The following ATP12A variants were observed in gnomAD, a reference collection of about 807,000 sequenced individuals.
ATP12A encodes ATPase H+/K+ transporting non-gastric alpha2 subunit, also known as potassium-transporting ATPase alpha chain 2.
ATP12A carries 81 observed loss-of-function variants against 111.2 expected under a neutral mutation model. The ratio of observed to expected loss-of-function variants is 0.73; its 90% CI spans 0.61 to 0.88. The LOEUF (loss-of-function observed/expected upper bound fraction) is 0.88. ATP12A is among the 40% of genes least tolerant of loss of function. The pLI is 0.00. For missense variants in ATP12A, 1,196 were observed against 1,313.1 expected (o/e 0.91, Z 1.38); for synonymous variants, 498 against 499.8 (o/e 1.00, Z 0.05).
At chr13:24,695,728 C>T (rs1362813717) in intron 11 of ATP12A, among the ~76,000 whole-genome samples, 1 of 151,412 alleles carries the variant, frequency 6.6e-6, no homozygotes, top group African/African-American at 2.4e-5. Context: ...TTGCCTCAGC[C>T]TCCTGAGTAG....
chr13:24,690,877 G>A, intron 7 of ATP12A, 105 bp from the exon 8 acceptor site: 2 of 1,507,570 alleles, frequency 1.3e-6, no homozygotes, highest in African/African-American at 1.4e-5. Context: ...CCTTGGGAAT[G>A]TGGTGTGCCT....
At chr13:24,701,247 C>T (rs1363592689) in intron 13 of ATP12A, among the ~76,000 whole-genome samples, 1 of 152,074 alleles carries the variant, frequency 6.6e-6, no homozygotes, top group African/African-American at 2.4e-5. Flanking sequence ...CCTGAAATCC[C>T]AGCACTTTGG....
At chr13:24,682,161 T>TGTGTGTGTG (rs1270758497) in intron 2 of ATP12A, among the ~76,000 whole-genome samples, 1 of 113,106 alleles carries the variant, frequency 8.8e-6, no homozygotes, top group African/African-American at 4.5e-5. Flanking sequence ...GTGTGTGTGG[T>TGTGTGTGTG]GTGTGTATGT....
intron 2 of ATP12A, among the ~76,000 whole-genome samples, chr13:24,684,366 G>A (rs886517273): frequency 4.6e-5 from 7 of 152,180 alleles, no homozygotes; most frequent in African/African-American, 1.7e-4. Flanking sequence ...CTGCAACATG[G>A]AACTATTTTT....
At chr13:24,696,743 A>AAAAAAG (rs1555254852) in intron 11 of ATP12A, among the ~76,000 whole-genome samples, 12 of 99,364 alleles carry the variant, frequency 1.2e-4, no homozygotes, top group South Asian at 4.5e-4. Flanking sequence ...AAAAAAAAAA[A>AAAAAAG]AAAGAAAGGG....
At chr13:24,695,828 C>T (rs1209957775) in intron 11 of ATP12A, among the ~76,000 whole-genome samples, 1 of 151,988 alleles carries the variant, frequency 6.6e-6, no homozygotes, top group Non-Finnish European at 1.5e-5. Flanking sequence ...GGGCTGGCCT[C>T]GAACTCCTGA....
At chr13:24,699,577 A>T (rs914981402) in intron 12 of ATP12A, among the ~76,000 whole-genome samples, 9 of 152,244 alleles carry the variant, frequency 5.9e-5, no homozygotes, top group Non-Finnish European at 8.8e-5. Context: ...AGAACCTATC[A>T]GAGAAGGATA....
At chr13:24,705,951 G>A (rs1180530397) in intron 14 of ATP12A, among the ~76,000 whole-genome samples, 1 of 152,176 alleles carries the variant, frequency 6.6e-6, no homozygotes, top group African/African-American at 2.4e-5. Flanking sequence ...GGGATTACAG[G>A]CATGAGCCAC....
At chr13:24,708,523 C>T (rs1462291219) in intron 17 of ATP12A, among the ~76,000 whole-genome samples, 1 of 152,096 alleles carries the variant, frequency 6.6e-6, no homozygotes, top group Non-Finnish European at 1.5e-5. Flanking sequence ...TTCACATTTG[C>T]CTGCTTTGCT....
In ATP12A at chr13:24,694,568, A is replaced by G. The variant is rs1186798336; in HGVS notation, c.1502A>G (p.Asn501Ser). 2.5e-6 allele frequency: 4 copies of G among 1,612,886 alleles called. No individual in the cohort carries two copies. Among genetic ancestry groups the G allele is most frequent in the Non-Finnish European group, 3.4e-6 (4 of 1,180,016 alleles). The part of the protein sequence containing the change: ...KVAEIPFNST[N>S]KFQLSIHEMD... ...GCTGAAATCCCTTTTAACTCTACTAATAAATTTCAGGTGAGTTTTTCCTCA... is the reference window on the plus strand; with the variant it reads ...GCTGAAATCCCTTTTAACTCTACTAGTAAATTTCAGGTGAGTTTTTCCTCA... Residue 501 changes from asparagine (N) to serine (S), a missense_variant, in exon 11 of 23, where the codon AAT becomes AGT. Around this residue, in one of 3 missense-constraint regions of ATP12A, gnomAD observed 1,126 missense variants for 1,228.5 expected, o/e 0.92. Transcript: ENST00000381946.
rs1338937044 is a variant in ATP12A, at chr13:24,681,825, G to A, written c.168+105G>A. ...CACAGACATTCAGTCTGAGGGATTT[G>A]AAATCCCCTTGAGATTGTGTGTGGT... On this transcript the variant is annotated intron_variant, in intron 2 of 22. Transcript: ENST00000381946. The A allele has an allele frequency of 8.4e-6, 12 of 1,427,482 alleles. No homozygotes were observed. In the African/African-American group the frequency reaches 1.6e-4, roughly 19 times the overall value. The allele number at this position is 1,427,482 out of a possible 1,614,324, so 88.4% of individuals were successfully genotyped here.
chr13:24,709,911 T>C, intron 19 of ATP12A, 83 bp downstream of exon 19: 1 of 1,565,514 alleles, frequency 6.4e-7, no homozygotes, highest in Non-Finnish European at 8.7e-7. Context: ...AGAACCTCCA[T>C]GTCCCTGAAC....
chr13:24,698,427 G>A (rs188138200), intron 11 of ATP12A, among the ~76,000 whole-genome samples: 1 of 152,210 alleles, frequency 6.6e-6, no homozygotes, highest in Non-Finnish European at 1.5e-5. Flanking sequence ...CCTGCCTAAA[G>A]CAGCCAGTTT....
chr13:24,709,955 G>GC (rs1875890792), intron 19 of ATP12A, 127 bp downstream of exon 19: 2 of 1,385,250 alleles, frequency 1.4e-6, no homozygotes, highest in Admixed American at 2.1e-5. Context: ...AGGGCTCAGG[G>GC]CCCCCTTGCT....
chr13:24,696,734 A>AG (rs1875182518), intron 11 of ATP12A, among the ~76,000 whole-genome samples: 1 of 59,102 alleles, frequency 1.7e-5, no homozygotes, highest in Non-Finnish European at 3.3e-5. Flanking sequence ...AAAAAAAAAA[A>AG]AAAAAAAAAA....
chr13:24,691,083 A>G lies in ATP12A; in HGVS notation c.901A>G (p.Ile301Val), dbSNP rs758346377. The G allele has an allele frequency of 6.2e-7, 1 of 1,614,236 alleles. No individual in the cohort carries two copies. Among genetic ancestry groups the G allele is most frequent in the Non-Finnish European group, 8.5e-7 (1 of 1,180,042 alleles). Residue 301 changes from isoleucine to valine, a missense_variant, in exon 8 of 23, where the codon ATT becomes GTT. Around this residue, in one of 3 missense-constraint regions of ATP12A, gnomAD observed 1,126 missense variants for 1,228.5 expected, o/e 0.92. Coordinates refer to ENST00000381946, the MANE Select transcript of ATP12A (RefSeq NM_001676.7). ...TGGAAATGAGAAGACGCCCATTGCC[A>G]TTGAGATCGAGCACTTTGTTCACAT... ...GVGNEKTPIA[I>V]EIEHFVHIVA...
At chr13:24,686,150 T>C (rs1188552065) in intron 3 of ATP12A, among the ~76,000 whole-genome samples, 1 of 152,122 alleles carries the variant, frequency 6.6e-6, no homozygotes, top group Admixed American at 6.5e-5. Flanking sequence ...TCGAAAGACA[T>C]TACAGGGGCC....
chr13:24,688,387 G>T lies in ATP12A; in HGVS notation c.297G>T (p.Lys99Asn), dbSNP rs374788901. ...RDGPNSLTPP[K>N]QTPEIVKFLK... ...GGCCCAACTCCCTCACCCCTCCCAA[G>T]CAGACGCCTGAGATCGTCAAGTTCC... The change falls in exon 4 of 23, where the codon AAG becomes AAT. Residue 99 changes from lysine to asparagine, a missense_variant. Coordinates refer to ENST00000381946, the MANE Select transcript of ATP12A (RefSeq NM_001676.7). The T allele has an allele frequency of 2.2e-5, 36 of 1,614,058 alleles. No homozygotes were observed. Among genetic ancestry groups the T allele is most frequent in the Non-Finnish European group, 2.9e-5 (34 of 1,180,038 alleles).
intron 17 of ATP12A, among the ~76,000 whole-genome samples, chr13:24,707,883 C>T (rs1270441220): frequency 1.3e-5 from 2 of 151,940 alleles, no homozygotes; most frequent in Non-Finnish European, 2.9e-5. Flanking sequence ...TTCCTGGCCT[C>T]AAGTGATCCA....
Sources: gnomAD v4.1 joint callset for allele counts (sites outside exome capture counted in the v4.1 genomes callset) on GRCh38, gnomAD v4.1.1 for gene constraint, gnomAD v4.1.1 regional missense constraint, MANE v1.5 for transcripts, NCBI Gene and HGNC (gene_info 2026-07-23, HGNC 2026-07-21) for gene names.